The following ANK2 variants were observed in gnomAD, a reference collection of about 807,000 sequenced individuals.
The protein encoded by ANK2 is ankyrin 2.
ANK2 carries 83 observed loss-of-function variants against 360.5 expected under a neutral mutation model. That is an observed-to-expected ratio of 0.23 (90% CI 0.19 to 0.28). The LOEUF (loss-of-function observed/expected upper bound fraction) is 0.28, where lower values mean the gene tolerates loss of function less well. Ranked by LOEUF, ANK2 falls within the 10% of genes least tolerant of loss-of-function variation. The pLI, the probability that ANK2 is intolerant of heterozygous loss-of-function variation, is 1.00. For synonymous variants in ANK2, 1,740 were observed against 1,759.5 expected (o/e 0.99, Z 0.28); for missense variants, 4,201 against 4,795.7 (o/e 0.88, Z 3.66).
At chr4:113,098,949 C>T (rs2092263101) in intron 1 of ANK2, among the ~76,000 whole-genome samples, 2 of 151,852 alleles carry the variant, frequency 1.3e-5, no homozygotes, top group African/African-American at 4.8e-5. Flanking sequence ...CAAAATCCAA[C>T]ACCCATTCCT....
At chr4:112,818,510 T>C (rs1243453884) in intron 1 of ANK2, among the ~76,000 whole-genome samples, 1 of 152,198 alleles carries the variant, frequency 6.6e-6, no homozygotes, top group Non-Finnish European at 1.5e-5. Context: ...TCTGTAATCG[T>C]AGGGCAGATT....
Position 113,339,317 on chromosome 4 carries a change from T to C in ANK2, c.3888T>C (p.Ser1296=). The C allele has an allele frequency of 6.2e-7, 1 of 1,613,480 alleles. No homozygotes were observed. The highest frequency in any genetic ancestry group is 8.5e-7 in the Non-Finnish European group (1 of 1,179,422). ...GTGTTTCCTTTACAACAAACGTGTC[T>C]GCCAGGTATCGTTATATAGCACAGA... ...NECVSFTTNV[S]ARFWLIDCRQ... The change falls in exon 32 of 46, where the codon TCT becomes TCC. Residue 1296 remains serine (S), a synonymous_variant. Coordinates refer to ENST00000357077, the MANE Select transcript of ANK2 (RefSeq NM_001148.6).
chr4:112,780,798 C>T, the ANK2 span, among the ~76,000 whole-genome samples: 1 of 152,082 alleles, frequency 6.6e-6, no homozygotes, highest in Non-Finnish European at 1.5e-5. Context: ...ATGAGAACAG[C>T]ATGAGGGACA....
chr4:112,955,418 T>G (rs2095282985), intron 2 of ANK2, among the ~76,000 whole-genome samples: 1 of 152,166 alleles, frequency 6.6e-6, no homozygotes, highest in African/African-American at 2.4e-5. Flanking sequence ...TTATATAGTC[T>G]AAATTTCCAT....
chr4:112,961,254 A>G (rs2034653074), intron 2 of ANK2, among the ~76,000 whole-genome samples: 1 of 152,144 alleles, frequency 6.6e-6, no homozygotes, highest in South Asian at 2.1e-4. Flanking sequence ...ATTAAGAAAA[A>G]TATCAGTGTA....
intron 1 of ANK2, among the ~76,000 whole-genome samples, chr4:113,112,540 A>G (rs960384079): frequency 1.1e-4 from 16 of 152,248 alleles, no homozygotes; most frequent in Admixed American, 5.9e-4. Context: ...GCTGCCTGTA[A>G]TCCCCAGACT....
At chr4:113,106,902 T>A (rs1451706261) in intron 1 of ANK2, 1 of 533,694 alleles carries the variant, frequency 1.9e-6, no homozygotes, top group Admixed American at 1.9e-5. Flanking sequence ...TAAAGGTCCA[T>A]CTCCTGCCTA....
Position 113,336,693 on chromosome 4 carries a change from C to CA in ANK2, c.3709dup (p.Ile1237AsnfsTer9). 1 of 1,614,112 alleles carries CA rather than the reference C, an allele frequency of 6.2e-7. No homozygotes were observed. Among genetic ancestry groups the CA allele is most frequent in the Non-Finnish European group, 8.5e-7 (1 of 1,180,000 alleles). ...AATTCCACAAACCAATTACCATGACCATTCCTGTCCCCAAAGCTTCAAGTG... is the reference window on the plus strand; with the variant it reads ...AATTCCACAAACCAATTACCATGACCAATTCCTGTCCCCAAAGCTTCAAGTG... On this transcript the variant is annotated frameshift_variant, in exon 31 of 46. Transcript: ENST00000357077. LOFTEE classifies it high-confidence loss of function.
At chr4:112,782,004 A>G in the ANK2 span, among the ~76,000 whole-genome samples, 1 of 151,642 alleles carries the variant, frequency 6.6e-6, no homozygotes, top group Non-Finnish European at 1.5e-5. Flanking sequence ...TAGTTTTTGT[A>G]TTTTTAGTAG....
intron 2 of ANK2, among the ~76,000 whole-genome samples, chr4:113,008,427 T>G (rs757332082): frequency 5.9e-5 from 9 of 152,188 alleles, no homozygotes; most frequent in Non-Finnish European, 7.4e-5. Context: ...CACAGGCAAT[T>G]TAATTCTCCT....
chr4:113,130,067 G>C (rs552917539), intron 1 of ANK2, among the ~76,000 whole-genome samples: 17 of 152,092 alleles, frequency 1.1e-4, no homozygotes, highest in Non-Finnish European at 2.2e-4. Context: ...ATAATATGCT[G>C]TTTCTGTTTC....
chr4:112,871,300 C>T (rs1039404372), intron 1 of ANK2, among the ~76,000 whole-genome samples: 1 of 152,082 alleles, frequency 6.6e-6, no homozygotes, highest in African/African-American at 2.4e-5. Flanking sequence ...ATTCTCCTGC[C>T]TCAGCCTCCC....
chr4:112,865,100 A>G (rs1440191136), intron 1 of ANK2, among the ~76,000 whole-genome samples: 1 of 146,150 alleles, frequency 6.8e-6, no homozygotes, highest in African/African-American at 2.5e-5. Context: ...CATTGGTCTT[A>G]GAAATAGCAT....
At chr4:113,282,621 G>C (rs926706716) in intron 17 of ANK2, 54 bp from the exon 18 acceptor site, 3 of 1,451,774 alleles carry the variant, frequency 2.1e-6, no homozygotes, top group Admixed American at 1.9e-5. Flanking sequence ...ATACGTATTA[G>C]AGCAATTGTT....
chr4:112,932,829 CT>C (rs1428177588), intron 2 of ANK2, among the ~76,000 whole-genome samples: 1 of 152,114 alleles, frequency 6.6e-6, no homozygotes, highest in East Asian at 1.9e-4. Context: ...CTTCATGTTA[CT>C]TTTGAAATTC....
rs1396062330 is a variant in ANK2, at chr4:113,199,032, A to G, written c.307A>G (p.Ile103Val). Residue 103 changes from isoleucine to valine, a missense_variant, in exon 4 of 46, where the codon ATT becomes GTT. Around this residue, in one of 4 missense-constraint regions of ANK2, gnomAD observed 169 missense variants for 191.1 expected, o/e 0.88. Transcript: ENST00000357077. The stretch of plus-strand genomic sequence containing the variant: ...ACAGAAGGGAAATACCGCTCTTCAC[A>G]TTGCATCTTTGGCTGGACAAGCAGA... ...ATKKGNTALH[I>V]ASLAGQAEVV... 6.2e-7 allele frequency: 1 copy of G among 1,613,288 alleles called. No individual in the cohort carries two copies. Among genetic ancestry groups the G allele is most frequent in the Non-Finnish European group, 8.5e-7 (1 of 1,179,402 alleles).
the ANK2 span, among the ~76,000 whole-genome samples, chr4:112,742,356 C>T: frequency 6.6e-6 from 1 of 152,060 alleles, no homozygotes. Context: ...GTGAAATTCA[C>T]CGTGTTGGCA....
In ANK2 at chr4:113,357,816, A is replaced by G; in HGVS notation, c.9198A>G (p.Ile3066Met). 6.2e-7 allele frequency: 1 copy of G among 1,613,866 alleles called. No individual in the cohort carries two copies. The highest frequency in any genetic ancestry group is 8.5e-7 in the Non-Finnish European group (1 of 1,179,870). ...GTGTGAAAGAGGAAGAACAAAAGAT[A>G]TTTGGTTTGATGGTAGACAGACAAT... ...EARVKEEEQKIFGLMVDRQSQ... is the reference protein window; with the variant it reads ...EARVKEEEQKMFGLMVDRQSQ... The change falls in exon 38 of 46, where the codon ATA (isoleucine) becomes ATG (methionine). Residue 3066 changes from isoleucine to methionine, a missense_variant. Transcript: ENST00000357077.
intron 1 of ANK2, among the ~76,000 whole-genome samples, chr4:113,144,153 A>G (rs2096744053): frequency 6.6e-6 from 1 of 152,176 alleles, no homozygotes; most frequent in Admixed American, 6.5e-5. Flanking sequence ...CTTCACCTAT[A>G]GCTGGGAAGT....
Sources: gnomAD v4.1 joint callset for allele counts (sites outside exome capture counted in the v4.1 genomes callset) on GRCh38, gnomAD v4.1.1 for gene constraint, gnomAD v4.1.1 regional missense constraint, MANE v1.5 for transcripts, NCBI Gene and HGNC (gene_info 2026-07-23, HGNC 2026-07-21) for gene names.